The following WDFY3 variants were observed in gnomAD, a reference collection of about 807,000 sequenced individuals.
WDFY3 encodes WD repeat and FYVE domain containing 3.
WDFY3 carries 66 observed loss-of-function variants against 409.6 expected under a neutral mutation model. The observed-to-expected ratio is 0.16, with a 90% CI of 0.13 to 0.20. The LOEUF (loss-of-function observed/expected upper bound fraction) is 0.20. Among genes scored for constraint, WDFY3 ranks in the 10% least tolerant of loss-of-function variants. The probability of loss-of-function intolerance (pLI) is 1.00; values close to 1 mark genes in which losing one functional copy is unlikely to be tolerated. For synonymous variants in WDFY3, 1,521 were observed against 1,537.1 expected (o/e 0.99, Z 0.25); for missense variants, 3,031 against 4,298.1 (o/e 0.71, Z 8.24).
At position 84,841,272 on chromosome 4, in the gene WDFY3, C is replaced by T. The variant is rs1336609035; in HGVS notation, c.305-9G>A. 1.2e-6 allele frequency: 2 copies of T among 1,607,676 alleles called. No homozygotes were observed. Among genetic ancestry groups the T allele is most frequent in the Admixed American group, 3.4e-5 (2 of 58,230 alleles). ...GGCCCGACTTGCAGCCTCTATAAAA[C>T]CAAAGGGAAAGCCATTAAGTGGGGG... On this transcript the variant is annotated splice_polypyrimidine_tract_variant and intron_variant, in intron 5 of 67. Transcript: ENST00000295888.
chr4:84,899,234 T>G (rs979740741), intron 2 of WDFY3, among the ~76,000 whole-genome samples: 4 of 152,156 alleles, frequency 2.6e-5, no homozygotes, highest in Non-Finnish European at 4.4e-5. Context: ...GCCTTTTATC[T>G]GCAAAGAAAA....
At position 84,741,423 on chromosome 4, in the gene WDFY3, T is replaced by C. The variant is rs1347600497; in HGVS notation, c.6234+338A>G. Among the ~76,000 whole-genome samples, 3 of 151,808 alleles carry C rather than the reference T, an allele frequency of 2.0e-5. No individual in the cohort carries two copies. In the East Asian group the frequency reaches 5.8e-4, roughly 30 times the overall value. On this transcript the variant is annotated intron_variant, in intron 38 of 67. Transcript: ENST00000295888. The stretch of plus-strand genomic sequence containing the variant: ...TCCACCTCCCAGGTTCAAATGATTC[T>C]CCTGCCTCCACCTCCCAAGTAGCTG...
rs547470620 is a variant in WDFY3, at chr4:84,892,272, A to T, written c.-32+4639T>A. 3.9e-5 allele frequency among the ~76,000 whole-genome samples: 6 copies of T among 152,026 alleles called. 1 individual carries two copies. Among genetic ancestry groups the T allele is most frequent in the African/African-American group, 1.4e-4 (6 of 41,506 alleles). ...TTTAAGTTATTCTTTAACTGTCAGA[A>T]ATTTAAACTTATTCTGAATCAAAAT... On this transcript the variant is annotated intron_variant, in intron 3 of 67. Coordinates refer to ENST00000295888, the MANE Select transcript of WDFY3 (RefSeq NM_014991.6).
At position 84,910,745 on chromosome 4, in the gene WDFY3, G is replaced by A. The variant is rs559410202; in HGVS notation, c.-131-13735C>T. The stretch of plus-strand genomic sequence containing the variant: ...TTTTGTGATGGAGTCTCACTCTGTC[G>A]CCCAGGCTGGAGTGCAGTGGTGCGA... On this transcript the variant is annotated intron_variant, in intron 2 of 67. Transcript: ENST00000295888. Among the ~76,000 whole-genome samples the A allele has an allele frequency of 1.2e-4, 19 of 152,162 alleles. No individual in the cohort carries two copies. The East Asian group carries it at 1.9e-3, about 15-fold the overall frequency.
At chr4:84,789,188 A>T (rs1431020187) in intron 22 of WDFY3, among the ~76,000 whole-genome samples, 4 of 152,166 alleles carry the variant, frequency 2.6e-5, no homozygotes, top group Non-Finnish European at 5.9e-5. Context: ...CTTGATAATC[A>T]ACTCTTTTTT....
rs1726867740 is a variant in WDFY3 at position 84,679,082 on chromosome 4, A to C, written c.9984T>G (p.Ser3328=). The C allele has an allele frequency of 1.2e-6, 2 of 1,614,100 alleles. No individual in the cohort carries two copies. Among genetic ancestry groups the C allele is most frequent in the African/African-American group, 2.7e-5 (2 of 74,932 alleles). ...ATAAWCTDSG[S]DDSRRWSDQL... ...GGTCGGACCAGCGTCTGGAGTCGTC[A>C]GAGCCACTGTCAGTACACCAGGCGG... The change falls in exon 65 of 68, where the codon TCT becomes TCG. Residue 3328 remains serine (S), a synonymous_variant. Transcript: ENST00000295888.
chr4:84,795,043 T>G (rs1749148127), intron 19 of WDFY3, 64 bp from the exon 20 acceptor site: 2,554 of 831,250 alleles, frequency 3.1e-3, no homozygotes, highest in Non-Finnish European at 3.8e-3. Flanking sequence ...CACTGTGCAC[T>G]TACCACAGTG....
chr4:84,785,427 A>G (rs142875363), intron 24 of WDFY3, among the ~76,000 whole-genome samples: 2 of 152,198 alleles, frequency 1.3e-5, no homozygotes, highest in African/African-American at 2.4e-5. Flanking sequence ...TAACCTTCTC[A>G]GTAACGTCTC....
chr4:84,800,965 G>A (rs372500759), intron 17 of WDFY3, among the ~76,000 whole-genome samples: 54 of 152,224 alleles, frequency 3.5e-4, no homozygotes, highest in Middle Eastern at 6.8e-3. Context: ...ATGGCTCGGG[G>A]GTTTGAGACC....
rs376551375 is a variant in WDFY3, at chr4:84,847,594, G to A, written c.304+2308C>T. ...ATCCTGGCTAACACAGTGAAACCCC[G>A]TCTCTACTAAAAAAAAAAAAAAAAA... On this transcript the variant is annotated intron_variant, in intron 5 of 67. Transcript: ENST00000295888. Among the ~76,000 whole-genome samples, 580 of 131,972 alleles carry A rather than the reference G, an allele frequency of 4.4e-3. 2 individuals carry two copies. The highest frequency in any genetic ancestry group is 0.014 in the African/African-American group (496 of 34,898). 86.6% of individuals were successfully genotyped at this position (131,972 alleles called of 152,430 possible). A position where few individuals can be genotyped will look rare whatever the true frequency, so the allele number is the denominator to read the frequency against.
At position 84,899,787 on chromosome 4, in the gene WDFY3, C is replaced by T. The variant is rs1766108481; in HGVS notation, c.-131-2777G>A. Among the ~76,000 whole-genome samples, 4 of 152,256 alleles carry T rather than the reference C, an allele frequency of 2.6e-5. No individual in the cohort carries two copies. In the South Asian group the frequency reaches 8.3e-4, roughly 32 times the overall value. ...TGGTGAGTCACACCTATAATCCCAA[C>T]ACTTTGAAAAGCTGAGGCGTGAGGA... On this transcript the variant is annotated intron_variant, in intron 2 of 67. Coordinates refer to ENST00000295888, the MANE Select transcript of WDFY3 (RefSeq NM_014991.6).
At chr4:84,736,122 T>G in intron 42 of WDFY3, 48 bp downstream of exon 42, 1 of 1,556,436 alleles carries the variant, frequency 6.4e-7, no homozygotes. Context: ...GTTAAGTATA[T>G]TATACAAAAT....
At chr4:84,742,826 A>C (rs1374917691) in intron 37 of WDFY3, among the ~76,000 whole-genome samples, 1 of 152,210 alleles carries the variant, frequency 6.6e-6, no homozygotes, top group Non-Finnish European at 1.5e-5. Context: ...CCAGTGCCAA[A>C]AAGGTTGGGG....
At chr4:84,814,988 C>T (rs766194412) in intron 13 of WDFY3, among the ~76,000 whole-genome samples, 28 of 152,086 alleles carry the variant, frequency 1.8e-4, no homozygotes, top group African/African-American at 4.3e-4. Context: ...TTGTTTCCCA[C>T]GCACATATGA....
chr4:84,862,846 C>T (rs1340936267), intron 3 of WDFY3, among the ~76,000 whole-genome samples: 2 of 152,154 alleles, frequency 1.3e-5, no homozygotes, highest in Admixed American at 6.5e-5. Flanking sequence ...AAAAATTAGC[C>T]GGGCGTGGTG....
intron 59 of WDFY3, among the ~76,000 whole-genome samples, chr4:84,692,141 C>A (rs546646110): frequency 1.3e-5 from 2 of 152,288 alleles, no homozygotes; most frequent in African/African-American, 2.4e-5. Flanking sequence ...GTCTTTAGTA[C>A]CTCCCAAGTT....
In WDFY3 at chr4:84,671,129, T is replaced by C. The variant is rs1725383421; in HGVS notation, c.*1739A>G. ...TTTTCTCTTGGAGACCTAGTTATCA[T>C]ATCAGGAAGAACAAATTTGTTCTTA... On this transcript the variant is annotated 3_prime_UTR_variant, in exon 68 of 68. Coordinates refer to ENST00000295888, the MANE Select transcript of WDFY3 (RefSeq NM_014991.6). The C allele has an allele frequency of 6.6e-6, 1 of 152,624 alleles. No individual in the cohort carries two copies. Among genetic ancestry groups the C allele is most frequent in the South Asian group, 2.1e-4 (1 of 4,834 alleles). The allele number at this position is 152,624 out of a possible 1,614,324, so 9.5% of individuals were successfully genotyped here.
Position 84,821,307 on chromosome 4 carries a change from A to G in WDFY3, c.1368T>C (p.Asn456=). The change falls in exon 11 of 68, where the codon AAT becomes AAC. Residue 456 remains asparagine, a synonymous_variant. Coordinates refer to ENST00000295888, the MANE Select transcript of WDFY3 (RefSeq NM_014991.6). ...TAATAAGTTCTTTACAAGGTATATA[A>G]TTTAAGCTAAAAACAACAAACTCCA... ...EMLEFVVFSL[N]YIPCKELISV... is the part of the protein sequence containing the mutation. 1 of 1,613,788 alleles carries G rather than the reference A, an allele frequency of 6.2e-7. No individual in the cohort carries two copies. Among genetic ancestry groups the G allele is most frequent in the Non-Finnish European group, 8.5e-7 (1 of 1,179,854 alleles).
At chr4:84,828,961 T>A (rs373175459) in intron 9 of WDFY3, 43 bp downstream of exon 9, 49 of 1,488,290 alleles carry the variant, frequency 3.3e-5, no homozygotes, top group Middle Eastern at 3.6e-4. Context: ...TAAAAAAGAC[T>A]GAGTAGACAT....
Sources: gnomAD v4.1 joint callset for allele counts (sites outside exome capture counted in the v4.1 genomes callset) on GRCh38, gnomAD v4.1.1 for gene constraint, MANE v1.5 for transcripts, NCBI Gene and HGNC (gene_info 2026-07-23, HGNC 2026-07-21) for gene names.